Variants in SSH1 observed in about 807,000 individuals in gnomAD.
SSH1 encodes slingshot protein phosphatase 1.
A neutral mutation model predicts 79.7 loss-of-function variants in SSH1; 43 were observed. That is an observed-to-expected ratio of 0.54 (90% CI 0.42 to 0.70). SSH1 has a LOEUF of 0.70. Ranked by LOEUF, SSH1 falls within the 30% of genes least tolerant of loss-of-function variation. The probability of loss-of-function intolerance (pLI) is 0.00; values close to 1 mark genes in which losing one functional copy is unlikely to be tolerated. For synonymous variants in SSH1, 599 were observed against 538.3 expected (o/e 1.11, Z -1.56); for missense variants, 1,206 against 1,358.8 (o/e 0.89, Z 1.77).
At position 108,854,503 on chromosome 12, in the gene SSH1, A is replaced by C. The variant is rs2039105178; in HGVS notation, c.70-1825T>G. ...ATAATCAAAGACTGGGAAAAAAAGA[A>C]AATTAAAAGAGAAAAGAGAGCCTTA... On this transcript the variant is annotated intron_variant, in intron 1 of 14. Transcript: ENST00000326495. Among the ~76,000 whole-genome samples, 5 of 152,214 alleles carry C rather than the reference A, an allele frequency of 3.3e-5. No individual in the cohort carries two copies. The South Asian group carries it at 1.0e-3, about 32-fold the overall frequency.
intron 2 of SSH1, among the ~76,000 whole-genome samples, chr12:108,842,087 C>A (rs2038791936): frequency 6.6e-6 from 1 of 152,028 alleles, no homozygotes; most frequent in Non-Finnish European, 1.5e-5. Context: ...TGTAATCATG[C>A]CACTGTACTC....
At chr12:108,825,942 T>C (rs773145261) in intron 2 of SSH1, among the ~76,000 whole-genome samples, 4 of 152,306 alleles carry the variant, frequency 2.6e-5, no homozygotes, top group South Asian at 2.1e-4. Context: ...CACAGATCAT[T>C]TACTATTTAT....
chr12:108,845,871 A>G (rs1028679170), intron 2 of SSH1, among the ~76,000 whole-genome samples: 3 of 152,190 alleles, frequency 2.0e-5, no homozygotes, highest in African/African-American at 7.2e-5. Flanking sequence ...AGCAACAAAG[A>G]CAATAAAGCC....
chr12:108,791,838 T>C (rs907355256), intron 14 of SSH1: 26 of 796,984 alleles, frequency 3.3e-5, no homozygotes, highest in South Asian at 1.6e-4. Context: ...AAATCTGGGA[T>C]TGGTTCCAGG....
At chr12:108,842,230 C>T (rs2038795038) in intron 2 of SSH1, among the ~76,000 whole-genome samples, 1 of 152,118 alleles carries the variant, frequency 6.6e-6, no homozygotes, top group Non-Finnish European at 1.5e-5. Context: ...CCGAGTTAAA[C>T]CAAAAGGAAC....
At chr12:108,791,895 G>T in intron 14 of SSH1, 1 of 1,259,248 alleles carries the variant, frequency 7.9e-7, no homozygotes, top group Non-Finnish European at 1.0e-6. Flanking sequence ...AGATGAAAAA[G>T]AATAGTCATA....
At chr12:108,832,705 A>C (rs1301234869) in intron 2 of SSH1, among the ~76,000 whole-genome samples, 1 of 152,188 alleles carries the variant, frequency 6.6e-6, no homozygotes, top group East Asian at 1.9e-4. Context: ...CTCGTGTTTA[A>C]AAGTCACAAA....
intron 3 of SSH1, among the ~76,000 whole-genome samples, chr12:108,822,059 T>C (rs555024203): frequency 6.6e-6 from 1 of 152,304 alleles, no homozygotes; most frequent in East Asian, 1.9e-4. Context: ...CTTTTTCCTC[T>C]TTCTTTCTTT....
At chr12:108,801,425 A>G (rs1318014899) in intron 11 of SSH1, among the ~76,000 whole-genome samples, 5 of 152,162 alleles carry the variant, frequency 3.3e-5, no homozygotes, top group African/African-American at 4.8e-5. Context: ...AGTTCTCTCA[A>G]CTTAATCAAT....
chr12:108,853,046 A>C, intron 1 of SSH1: 1 of 985,354 alleles, frequency 1.0e-6, no homozygotes, highest in African/African-American at 1.7e-5. Flanking sequence ...GGAGGGGGTC[A>C]TGTTTAAAGA....
chr12:108,814,687 G>C (rs1325654410), intron 5 of SSH1, among the ~76,000 whole-genome samples: 1 of 152,214 alleles, frequency 6.6e-6, no homozygotes, highest in African/African-American at 2.4e-5. Flanking sequence ...CCTGGCCTTG[G>C]GGTCGGTGCC....
At chr12:108,827,382 A>C in intron 2 of SSH1, 1 of 1,521,552 alleles carries the variant, frequency 6.6e-7, no homozygotes, top group Non-Finnish European at 8.8e-7. Context: ...CGCTCCCTAC[A>C]ACTGCCCTCC....
intron 2 of SSH1, 84 bp from the exon 3 acceptor site, chr12:108,823,445 T>A: frequency 1.8e-6 from 2 of 1,120,760 alleles, no homozygotes; most frequent in Non-Finnish European, 2.6e-6. Flanking sequence ...GAAAAAGCTT[T>A]AGCGTGGACA....
At chr12:108,853,828 G>A (rs186493596) in intron 1 of SSH1, among the ~76,000 whole-genome samples, 105 of 152,130 alleles carry the variant, frequency 6.9e-4, no homozygotes, top group African/African-American at 1.4e-3. Flanking sequence ...GGAGGCTGAG[G>A]CAGGAGAATC....
At chr12:108,817,305 G>A (rs2037934249) in intron 4 of SSH1, 146 bp from the exon 5 acceptor site, 1 of 1,224,664 alleles carries the variant, frequency 8.2e-7, no homozygotes, top group Non-Finnish European at 1.1e-6. Context: ...TGGGCATGGT[G>A]GTTCAGGCCT....
Position 108,809,756 on chromosome 12 carries a change from C to T in SSH1, c.473G>A (p.Gly158Glu). Residue 158 changes from glycine to glutamate, a missense_variant and splice_region_variant, in exon 7 of 15, where the codon GGG becomes GAG. Gly to Glu is a moderately conservative substitution (Grantham distance 98). Coordinates refer to ENST00000326495, the MANE Select transcript of SSH1 (RefSeq NM_018984.4). ...DTKIHLDGDG[G>E]FSVSTAGRMH... ...CCTTCCTGCTGTGCTCACGCTGAACCCACTGAGAATAAAACACAGAGAGAA... is the reference window on the plus strand; with the variant it reads ...CCTTCCTGCTGTGCTCACGCTGAACTCACTGAGAATAAAACACAGAGAGAA... 6.2e-7 allele frequency: 1 copy of T among 1,613,644 alleles called. No homozygotes were observed. Among genetic ancestry groups the T allele is most frequent in the Non-Finnish European group, 8.5e-7 (1 of 1,179,646 alleles).
intron 13 of SSH1, among the ~76,000 whole-genome samples, chr12:108,796,487 G>A (rs1483530697): frequency 6.6e-6 from 1 of 152,208 alleles, no homozygotes; most frequent in African/African-American, 2.4e-5. Flanking sequence ...TTAGCGCAAT[G>A]TCATGAAGGT....
At chr12:108,805,966 C>T (rs2037250144) in intron 9 of SSH1, among the ~76,000 whole-genome samples, 2 of 151,910 alleles carry the variant, frequency 1.3e-5, no homozygotes, top group African/African-American at 4.8e-5. Context: ...GAAGAGAGAA[C>T]AAGGGGGTGT....
At chr12:108,829,711 C>A (rs768501871) in intron 2 of SSH1, among the ~76,000 whole-genome samples, 6 of 152,128 alleles carry the variant, frequency 3.9e-5, no homozygotes, top group African/African-American at 1.4e-4. Context: ...ATTGAAACAA[C>A]CTATCAAACT....
Sources: allele counts gnomAD v4.1 joint callset (sites outside exome capture counted in the v4.1 genomes callset), GRCh38; gene constraint gnomAD v4.1.1; transcripts MANE v1.5; gene names NCBI Gene and HGNC (gene_info 2026-07-23, HGNC 2026-07-21).